ENPP6: variants seen among roughly 807,000 people sequenced by gnomAD.
The protein encoded by ENPP6 is ectonucleotide pyrophosphatase/phosphodiesterase 6.
ENPP6 carries 32 observed loss-of-function variants against 42.0 expected under a neutral mutation model. The observed-to-expected ratio is 0.76, with a 90% CI of 0.58 to 1.02. The LOEUF is 1.02. Ranked by LOEUF, ENPP6 falls within the 50% of genes least tolerant of loss-of-function variation. The pLI is 0.00. For missense variants in ENPP6, 552 were observed against 566.8 expected, an observed-to-expected ratio of 0.97 and a Z score of 0.27; for synonymous variants, 213 against 216.0, an observed-to-expected ratio of 0.99 and a Z score of 0.12.
At chr4:184,207,379 C>T (rs1390328745) in intron 1 of ENPP6, among the ~76,000 whole-genome samples, 2 of 152,258 alleles carry the variant, frequency 1.3e-5, no homozygotes, top group Non-Finnish European at 2.9e-5. Context: ...CAGCATTTCC[C>T]TCTTACCCAT....
intron 1 of ENPP6, among the ~76,000 whole-genome samples, chr4:184,214,940 T>C (rs1013598057): frequency 1.3e-5 from 2 of 152,172 alleles, no homozygotes; most frequent in Admixed American, 6.5e-5. Flanking sequence ...ATGGCACATG[T>C]ATGCCTCTGT....
intron 6 of ENPP6, among the ~76,000 whole-genome samples, chr4:184,107,293 G>A (rs761967042): frequency 6.6e-6 from 1 of 152,214 alleles, no homozygotes; most frequent in Non-Finnish European, 1.5e-5. Flanking sequence ...CTGGGGTGAC[G>A]GGCTCAGGCT....
chr4:184,120,827 C>G (rs1033102761), intron 3 of ENPP6, among the ~76,000 whole-genome samples: 5 of 152,314 alleles, frequency 3.3e-5, no homozygotes, highest in African/African-American at 1.2e-4. Context: ...CGCGTCTGGA[C>G]TCCCTGTCGC....
intron 2 of ENPP6, among the ~76,000 whole-genome samples, chr4:184,145,359 C>G (rs1429765137): frequency 6.6e-6 from 1 of 151,950 alleles, no homozygotes; most frequent in Non-Finnish European, 1.5e-5. Context: ...CCTTTTTCTT[C>G]TTTATTTTTT....
rs1410348512 is a variant in ENPP6, at chr4:184,132,830, CACACATATATATAT to C, written c.422-8572_422-8559del. The stretch of plus-strand genomic sequence containing the variant: ...ATATATACATATATACACACACACA[CACACATATATATAT>C]ATATATATATATAAAATCTCCAATT... On this transcript the variant is annotated intron_variant, in intron 2 of 7. Transcript: ENST00000296741. Among the ~76,000 whole-genome samples, 77 of 128,476 alleles carry C rather than the reference CACACATATATATAT, an allele frequency of 6.0e-4. No homozygotes were observed. The East Asian group carries it at 6.5e-3, about 11-fold the overall frequency. The allele number at this position is 128,476 out of a possible 152,430, so 84.3% of individuals were successfully genotyped here.
intron 7 of ENPP6, among the ~76,000 whole-genome samples, chr4:184,092,508 G>A (rs11735997): frequency 0.36 from 55,147 of 152,070 alleles, 11,265 homozygotes; most frequent in East Asian, 0.61. Context: ...AGTGAGGGAC[G>A]CCGAGGGTGA....
intron 1 of ENPP6, among the ~76,000 whole-genome samples, chr4:184,173,324 T>A (rs1737505949): frequency 6.6e-6 from 1 of 152,194 alleles, no homozygotes. Flanking sequence ...AACACAATAT[T>A]GGAAACAATC....
chr4:184,211,301 T>C (rs10020339), intron 1 of ENPP6, among the ~76,000 whole-genome samples: 28,683 of 151,978 alleles, frequency 0.19, 3,833 homozygotes, highest in East Asian at 0.72. Flanking sequence ...ATCCAGGAGC[T>C]GGTTTTTTGA....
In ENPP6 at chr4:184,128,437, T is replaced by C. The variant is rs528864713; in HGVS notation, c.422-4165A>G. ...CTCAAGTGATCTGCCTGCCTCAGCC[T>C]CTCAAAGTGCTGGAATTACAGGCAT... On this transcript the variant is annotated intron_variant, in intron 2 of 7. Transcript: ENST00000296741. Among the ~76,000 whole-genome samples, 185 of 152,304 alleles carry C rather than the reference T, an allele frequency of 1.2e-3. 1 individual carries two copies. The South Asian group carries it at 0.037, about 31-fold the overall frequency.
chr4:184,189,731 A>C (rs1579656858), intron 1 of ENPP6, among the ~76,000 whole-genome samples: 1 of 152,308 alleles, frequency 6.6e-6, no homozygotes, highest in East Asian at 1.9e-4. Context: ...CTTGAACCCA[A>C]GGAGACTTTG....
At chr4:184,183,067 G>C (rs73009708) in intron 1 of ENPP6, among the ~76,000 whole-genome samples, 7 of 152,074 alleles carry the variant, frequency 4.6e-5, no homozygotes, top group African/African-American at 1.7e-4. Flanking sequence ...AAATCTGAAG[G>C]ATAAATGAGT....
intron 1 of ENPP6, among the ~76,000 whole-genome samples, chr4:184,201,634 A>G (rs34493244): frequency 0.3 from 45,055 of 152,112 alleles, 6,973 homozygotes; most frequent in South Asian, 0.5. Context: ...GCCAAAAGAA[A>G]CATACTTTTT....
chr4:184,212,874 C>T (rs1367089268), intron 1 of ENPP6, among the ~76,000 whole-genome samples: 1 of 152,130 alleles, frequency 6.6e-6, no homozygotes, highest in South Asian at 2.1e-4. Context: ...CAGCATGGTA[C>T]TGGTACCAAA....
intron 3 of ENPP6, among the ~76,000 whole-genome samples, chr4:184,121,151 G>T (rs142416095): frequency 2.4e-4 from 37 of 152,338 alleles, no homozygotes; most frequent in African/African-American, 8.2e-4. Context: ...CACAATACTA[G>T]CCAATGGCTG....
intron 2 of ENPP6, among the ~76,000 whole-genome samples, chr4:184,124,671 C>T (rs1736473705): frequency 6.6e-6 from 1 of 152,140 alleles, no homozygotes; most frequent in African/African-American, 2.4e-5. Context: ...CTTCTAGAAT[C>T]AAGTATTAGG....
intron 5 of ENPP6, among the ~76,000 whole-genome samples, chr4:184,113,963 C>CTTTCTT (rs1162715775): frequency 7.9e-6 from 1 of 126,408 alleles, no homozygotes; most frequent in Non-Finnish European, 1.7e-5. Flanking sequence ...TTCTTTCTTT[C>CTTTCTT]TCTCTTTCTT....
chr4:184,112,740 A>G lies in ENPP6; in HGVS notation c.925T>C (p.Tyr309His). 2 of 1,614,184 alleles carry G rather than the reference A, an allele frequency of 1.2e-6. No homozygotes were observed. The highest frequency in any genetic ancestry group is 1.7e-6 in the Non-Finnish European group (2 of 1,180,040). ...YEKEAIPSRF[Y>H]YKKGKFVSPL... is the part of the protein sequence containing the mutation. ...GAGACAAACTTTCCTTTCTTGTAAT[A>G]GAACCTGCTTGGGATGGCTTCTTTC... The change falls in exon 6 of 8, where the codon TAT (tyrosine) becomes CAT (histidine). Residue 309 changes from tyrosine (Y) to histidine (H), a missense_variant. Physicochemically the swap from Tyr to His is moderately conservative, Grantham distance 83. This residue lies in a region of ENPP6 where 545 missense variants were observed against 546.3 expected (regional missense o/e 1.00). Transcript: ENST00000296741.
chr4:184,149,129 T>C (rs1378962631), intron 2 of ENPP6, among the ~76,000 whole-genome samples: 2 of 152,226 alleles, frequency 1.3e-5, no homozygotes, highest in African/African-American at 4.8e-5. Context: ...TGTTTTGACA[T>C]CTGCCTGAAA....
intron 5 of ENPP6, among the ~76,000 whole-genome samples, chr4:184,113,171 A>G (rs914371371): frequency 6.6e-6 from 1 of 152,222 alleles, no homozygotes; most frequent in Non-Finnish European, 1.5e-5. Context: ...TGGTTCTGCA[A>G]TGGAATACTC....
Sources: allele counts gnomAD v4.1 joint callset (sites outside exome capture counted in the v4.1 genomes callset), GRCh38; gene constraint gnomAD v4.1.1; regional missense constraint gnomAD v4.1.1; transcripts MANE v1.5; gene names NCBI Gene and HGNC (gene_info 2026-07-23, HGNC 2026-07-21).